The following STOX2 variants were observed in gnomAD, a reference collection of about 807,000 sequenced individuals.
STOX2 encodes the protein storkhead box 2, also known as storkhead-box protein 2.
In STOX2, 28 loss-of-function variants were observed where a neutral mutation model predicts 60.9. The observed-to-expected ratio is 0.46, with a 90% CI of 0.34 to 0.63. STOX2 has a LOEUF of 0.63. Among genes scored for constraint, STOX2 ranks in the 30% least tolerant of loss-of-function variants. The probability of loss-of-function intolerance (pLI) is 0.01; values close to 1 mark genes in which losing one functional copy is unlikely to be tolerated. For missense variants in STOX2, 1,024 were observed against 1,187.7 expected (o/e 0.86, Z 2.03); for synonymous variants, 472 against 463.9 (o/e 1.02, Z -0.22).
chr4:183,885,606 G>T (rs888899937), intron 1 of STOX2, among the ~76,000 whole-genome samples: 2 of 152,178 alleles, frequency 1.3e-5, no homozygotes, highest in African/African-American at 2.4e-5. Flanking sequence ...CTCAGCTTCT[G>T]GAAGCTAAAC....
At chr4:183,974,486 A>C (rs1025237809) in intron 1 of STOX2, among the ~76,000 whole-genome samples, 1 of 152,208 alleles carries the variant, frequency 6.6e-6, no homozygotes, top group African/African-American at 2.4e-5. Context: ...CAGGTAATAC[A>C]TTTTAAATAT....
intron 1 of STOX2, among the ~76,000 whole-genome samples, chr4:183,845,166 G>C (rs1739957953): frequency 6.6e-6 from 1 of 152,160 alleles, no homozygotes; most frequent in Admixed American, 6.6e-5. Flanking sequence ...TACAATCACA[G>C]AAGTTCAGCT....
chr4:183,912,054 T>C (rs1015178345), intron 1 of STOX2, among the ~76,000 whole-genome samples: 24 of 152,212 alleles, frequency 1.6e-4, no homozygotes, highest in Non-Finnish European at 7.3e-5. Flanking sequence ...AGAAGGCGTG[T>C]GCAACCAGTC....
At chr4:183,852,779 A>C (rs1740188138) in intron 1 of STOX2, among the ~76,000 whole-genome samples, 1 of 152,226 alleles carries the variant, frequency 6.6e-6, no homozygotes, top group Non-Finnish European at 1.5e-5. Flanking sequence ...TGGTTTTGTA[A>C]GTTGGTGTAA....
chr4:183,887,188 C>T (rs561731010), intron 1 of STOX2, among the ~76,000 whole-genome samples: 5 of 152,076 alleles, frequency 3.3e-5, no homozygotes, highest in South Asian at 2.1e-4. Context: ...CGCTTGAACC[C>T]GGGAGATGGA....
At chr4:183,804,394 C>T (rs1935190888) in intron 1 of STOX2, among the ~76,000 whole-genome samples, 2 of 152,190 alleles carry the variant, frequency 1.3e-5, no homozygotes, top group Admixed American at 1.3e-4. Flanking sequence ...AGGTGGAAAT[C>T]AGCTTGCTAT....
At chr4:183,822,034 C>T (rs939702129) in intron 1 of STOX2, among the ~76,000 whole-genome samples, 6 of 152,224 alleles carry the variant, frequency 3.9e-5, no homozygotes, top group Non-Finnish European at 8.8e-5. Context: ...GGGATTTGCC[C>T]TCCTGGGCAG....
intron 1 of STOX2, among the ~76,000 whole-genome samples, chr4:183,992,037 G>A (rs968091793): frequency 1.2e-4 from 19 of 152,168 alleles, no homozygotes; most frequent in African/African-American, 4.6e-4. Context: ...CAGCGACTTA[G>A]ACGTTTCCTC....
chr4:183,948,477 T>A (rs1742967856), intron 1 of STOX2, among the ~76,000 whole-genome samples: 1 of 34,304 alleles, frequency 2.9e-5, no homozygotes, highest in Non-Finnish European at 5.9e-5. Flanking sequence ...ATCCAGGTGC[T>A]CTTGGGGCTC....
At chr4:183,819,539 G>A (rs886314315) in intron 1 of STOX2, among the ~76,000 whole-genome samples, 9 of 140,308 alleles carry the variant, frequency 6.4e-5, no homozygotes, top group Admixed American at 2.1e-4. Context: ...ACCGTGGAAA[G>A]AGAGGGAGAG....
At chr4:183,993,702 T>A (rs946587935) in intron 1 of STOX2, among the ~76,000 whole-genome samples, 4 of 152,240 alleles carry the variant, frequency 2.6e-5, no homozygotes, top group African/African-American at 9.6e-5. Context: ...AGCCTTCAAC[T>A]TTTGAAATCA....
At chr4:183,929,220 G>A (rs372881617) in intron 1 of STOX2, among the ~76,000 whole-genome samples, 83 of 152,308 alleles carry the variant, frequency 5.4e-4, no homozygotes, top group African/African-American at 1.9e-3. Flanking sequence ...CTTTTCTACA[G>A]CATACAGGAT....
intron 1 of STOX2, among the ~76,000 whole-genome samples, chr4:183,819,624 G>T (rs1739260704): frequency 6.7e-6 from 1 of 149,500 alleles, no homozygotes; most frequent in Non-Finnish European, 1.5e-5. Flanking sequence ...GGAGGGAGAG[G>T]CGAAATATTT....
chr4:184,008,694 T>C (rs1440020155), intron 2 of STOX2, among the ~76,000 whole-genome samples: 1 of 152,218 alleles, frequency 6.6e-6, no homozygotes, highest in Non-Finnish European at 1.5e-5. Context: ...ACACAGTAAC[T>C]CTTCTGTGGT....
At chr4:183,808,105 T>C (rs917054191) in intron 1 of STOX2, among the ~76,000 whole-genome samples, 5 of 152,212 alleles carry the variant, frequency 3.3e-5, no homozygotes, top group African/African-American at 1.2e-4. Context: ...TTTTTAAATC[T>C]CTGTTCTCTG....
chr4:183,881,629 C>T (rs2111173061), intron 1 of STOX2, among the ~76,000 whole-genome samples: 1 of 152,310 alleles, frequency 6.6e-6, no homozygotes, highest in South Asian at 2.1e-4. Context: ...AATTATTACA[C>T]AGCGGGGCAT....
In STOX2 at chr4:184,010,868, A is replaced by G. The variant is rs373424346; in HGVS notation, c.2030A>G (p.Asn677Ser). 6.7e-5 allele frequency: 108 copies of G among 1,610,164 alleles called. No homozygotes were observed. The South Asian group carries it at 8.3e-4, about 12-fold the overall frequency. The change falls in exon 3 of 4, where the codon AAC becomes AGC. Residue 677 changes from asparagine (N) to serine (S), a missense_variant. Coordinates refer to ENST00000308497, the MANE Select transcript of STOX2 (RefSeq NM_020225.3). The surrounding 1 kb of genome is among the most constrained non-coding windows in gnomAD (Gnocchi z 4.5). The stretch of plus-strand genomic sequence containing the variant: ...GGAGGAGTGGCTGAAGGGATCGCCA[A>G]CGGACGCCTCGTCCAGCACCATGGT... ...ASGGVAEGIA[N>S]GRLVQHHGAE...
chr4:183,799,635 G>A (rs1738715390), intron 1 of STOX2, among the ~76,000 whole-genome samples: 1 of 147,020 alleles, frequency 6.8e-6, no homozygotes, highest in Admixed American at 7.0e-5. Flanking sequence ...CGGTCTTACT[G>A]CATTTATACC....
chr4:184,023,228 T>C lies in STOX2; in HGVS notation c.*5944T>C, dbSNP rs1734656673. ...AGATGGATGTTCTGTTTATATTGTA[T>C]AGTATTTCATATGAAATAATTACAG... On this transcript the variant is annotated 3_prime_UTR_variant, in exon 4 of 4. Coordinates refer to ENST00000308497, the MANE Select transcript of STOX2 (RefSeq NM_020225.3). The C allele has an allele frequency of 6.6e-6, 1 of 152,230 alleles. No homozygotes were observed. Among genetic ancestry groups the C allele is most frequent in the Non-Finnish European group, 1.5e-5 (1 of 68,038 alleles). The allele number at this position is 152,230 out of a possible 1,614,324, so 9.4% of individuals were successfully genotyped here.
Sources: gnomAD v4.1 joint callset for allele counts (sites outside exome capture counted in the v4.1 genomes callset) on GRCh38, gnomAD v4.1.1 for gene constraint, Gnocchi (gnomAD v3.1) non-coding constraint, MANE v1.5 for transcripts, NCBI Gene and HGNC (gene_info 2026-07-23, HGNC 2026-07-21) for gene names.